FAM120C: variants seen among roughly 807,000 people sequenced by gnomAD.
FAM120C encodes the protein constitutive coactivator of PPAR-gamma-like protein 2.
Under a neutral mutation model 71.2 loss-of-function variants are expected in FAM120C, and 14 were observed. That is an observed-to-expected ratio of 0.20 (90% CI 0.13 to 0.31). The LOEUF (loss-of-function observed/expected upper bound fraction) is 0.31. Among genes scored for constraint, FAM120C ranks in the 10% least tolerant of loss-of-function variants. The probability of loss-of-function intolerance (pLI) is 1.00; values close to 1 mark genes in which losing one functional copy is unlikely to be tolerated. For synonymous variants in FAM120C, 354 were observed against 353.2 expected, an observed-to-expected ratio of 1.00 and a Z score of -0.03; for missense variants, 500 against 879.0, an observed-to-expected ratio of 0.57 and a Z score of 5.45.
intron 10 of FAM120C, among the ~76,000 whole-genome samples, chrX:54,102,736 TG>T (rs1557124297): frequency 1.4e-5 from 1 of 73,701 alleles, no homozygotes; most frequent in Non-Finnish European, 2.6e-5. Context: ...TTTTTTTTTT[TG>T]GAGACAGAGT....
chrX:54,143,240 T>A, intron 4 of FAM120C, among the ~76,000 whole-genome samples: 1 of 109,789 alleles, frequency 9.1e-6, no homozygotes, highest in East Asian at 2.9e-4. Flanking sequence ...CACCCTAACA[T>A]CACAATTAAA....
chrX:54,134,853 C>T lies in FAM120C; in HGVS notation c.1594G>A (p.Glu532Lys), dbSNP rs1557130114. The T allele has an allele frequency of 8.3e-7, 1 of 1,210,923 alleles. No individual in the cohort carries two copies. ...TACTCAGAGCTAGCTCCATTTGGCT[C>T]ATCACCATCAGAGGAAGAGGAGTGG... ...SSHSSSSDGD[E>K]PNGASSDHIT... The change falls in exon 7 of 16, where the codon GAG becomes AAG. Residue 532 changes from glutamate (E) to lysine (K), a missense_variant. By Grantham distance (56) the Glu-to-Lys change is moderately conservative. Around this residue, in one of 11 missense-constraint regions of FAM120C, gnomAD observed 85 missense variants for 84.9 expected, o/e 1.00. Transcript: ENST00000375180.
At chrX:54,131,703 G>T (rs2067067716) in intron 9 of FAM120C, among the ~76,000 whole-genome samples, 1 of 111,134 alleles carries the variant, frequency 9.0e-6, no homozygotes, top group South Asian at 3.7e-4. Context: ...CTCCCAAAGT[G>T]CTGGGATTAC....
intron 4 of FAM120C, among the ~76,000 whole-genome samples, chrX:54,143,114 T>C (rs1557131901): frequency 9.0e-6 from 1 of 111,075 alleles, no homozygotes; most frequent in East Asian, 2.8e-4. Flanking sequence ...AGACCAAAGG[T>C]AGATAAAACC....
intron 1 of FAM120C, among the ~76,000 whole-genome samples, chrX:54,172,217 G>A (rs1365669311): frequency 8.9e-6 from 1 of 112,380 alleles, no homozygotes; most frequent in East Asian, 2.8e-4. Flanking sequence ...ATCTCTGCGG[G>A]TGTGGTGAAT....
intron 10 of FAM120C, among the ~76,000 whole-genome samples, chrX:54,093,876 T>C (rs1363872000): frequency 8.9e-6 from 1 of 111,744 alleles, no homozygotes; most frequent in Non-Finnish European, 1.9e-5. Context: ...AGCTTTATTA[T>C]TGCTATTAGT....
rs1237409251 is a variant in FAM120C, at chrX:54,129,000, C to T, written c.2062+3692G>A. Among the ~76,000 whole-genome samples the T allele has an allele frequency of 5.6e-3, 618 of 110,454 alleles. 3 individuals are homozygous for T. Among genetic ancestry groups the T allele is most frequent in the African/African-American group, 0.019 (588 of 30,494 alleles). On this transcript the variant is annotated intron_variant, in intron 9 of 15. Transcript: ENST00000375180. ...TGAGCTGTTGGGTACACCTCCCAGA[C>T]GGGGTGGTGGCCGGGCAGAGGGGCT...
rs1054679165 is a variant in FAM120C, at chrX:54,176,123, G to T, written c.699+6377C>A. 5.4e-5 allele frequency among the ~76,000 whole-genome samples: 6 copies of T among 111,178 alleles called. No homozygotes were observed. The South Asian group carries it at 1.9e-3, about 35-fold the overall frequency. The stretch of plus-strand genomic sequence containing the variant: ...ACTGAGCCTGTTTTTTTGTTTTTTG[G>T]TTTTTGGCTATAAAAAGTAGAGATT... On this transcript the variant is annotated intron_variant, in intron 1 of 15. Transcript: ENST00000375180.
chrX:54,145,232 A>T (rs371108752), intron 4 of FAM120C, among the ~76,000 whole-genome samples: 1 of 112,231 alleles, frequency 8.9e-6, no homozygotes, highest in Non-Finnish European at 1.9e-5. Flanking sequence ...AACCTAGGCA[A>T]TACCATTCAG....
chrX:54,153,125 T>C (rs1299558055), intron 3 of FAM120C, among the ~76,000 whole-genome samples: 2 of 111,855 alleles, frequency 1.8e-5, no homozygotes, highest in African/African-American at 3.2e-5. Context: ...CAAATATGTA[T>C]GTGCTAATTG....
chrX:54,114,816 C>G (rs1411759425), intron 10 of FAM120C, among the ~76,000 whole-genome samples: 1 of 111,651 alleles, frequency 9.0e-6, no homozygotes, highest in South Asian at 3.7e-4. Flanking sequence ...GGCACAATCT[C>G]AGATCACTGC....
intron 4 of FAM120C, among the ~76,000 whole-genome samples, chrX:54,147,046 T>C (rs781813674): frequency 4.6e-5 from 5 of 108,874 alleles, no homozygotes; most frequent in Admixed American, 9.9e-5. Flanking sequence ...CCGGGCGTGG[T>C]GGCTCATTCC....
chrX:54,134,102 C>G (rs782411273), intron 7 of FAM120C, 56 bp from the exon 8 acceptor site: 733 of 1,131,166 alleles, frequency 6.5e-4, no homozygotes, highest in Non-Finnish European at 8.2e-4. Context: ...TAAAGATATT[C>G]CTACTTAAGA....
chrX:54,174,601 T>G (rs1557136403), intron 1 of FAM120C, among the ~76,000 whole-genome samples: 2 of 112,527 alleles, frequency 1.8e-5, no homozygotes, highest in African/African-American at 6.5e-5. Flanking sequence ...AAAAAAGAAG[T>G]GTATTCATAT....
At chrX:54,168,647 G>GTA (rs2067272309) in intron 1 of FAM120C, among the ~76,000 whole-genome samples, 1 of 112,181 alleles carries the variant, frequency 8.9e-6, no homozygotes, top group African/African-American at 3.2e-5. Context: ...CTCACACGGA[G>GTA]TAGGCAACCA....
chrX:54,129,124 ACGGGGCGGCCGGC>A (rs1416462161), intron 9 of FAM120C, among the ~76,000 whole-genome samples: 56 of 104,207 alleles, frequency 5.4e-4, no homozygotes, highest in Admixed American at 4.1e-3. Context: ...TCCCTCCCGG[ACGGGGCGGCCGGC>A]CGGGGCGGCT....
At position 54,139,358 on chromosome X, in the gene FAM120C, T is replaced by TTTATTTATTTAC. The variant is rs1345459299; in HGVS notation, c.1159-2769_1159-2768insGTAAATAAATAA. On this transcript the variant is annotated intron_variant, in intron 4 of 15. Coordinates refer to ENST00000375180, the MANE Select transcript of FAM120C (RefSeq NM_017848.6). The stretch of plus-strand genomic sequence containing the variant: ...ATTTATTTATTTATTTATTTATTTA[T>TTTATTTATTTAC]TTATTTGAGATGGAGTCTTGCTCTG... 2.8e-5 allele frequency among the ~76,000 whole-genome samples: 3 copies of TTTATTTATTTAC among 106,520 alleles called. No homozygotes were observed. The East Asian group carries it at 8.7e-4, about 31-fold the overall frequency. The allele number at this position is 106,520 out of a possible 115,157, so 92.5% of individuals were successfully genotyped here. A position where few individuals can be genotyped will look rare whatever the true frequency, so the allele number is the denominator to read the frequency against.
intron 10 of FAM120C, 77 bp from the exon 11 acceptor site, chrX:54,091,503 C>T (rs1479410233): frequency 1.5e-6 from 1 of 682,058 alleles, no homozygotes; most frequent in Non-Finnish European, 2.2e-6. Context: ...AGCTAAGAAC[C>T]TATCATGAGC....
At chrX:54,173,990 G>C (rs1312646434) in intron 1 of FAM120C, 1 of 452,725 alleles carries the variant, frequency 2.2e-6, no homozygotes, top group African/African-American at 2.4e-5. Context: ...CCGCTTCCAA[G>C]CTCACTCACG....
Sources: allele counts gnomAD v4.1 joint callset (sites outside exome capture counted in the v4.1 genomes callset), GRCh38; gene constraint gnomAD v4.1.1; regional missense constraint gnomAD v4.1.1; transcripts MANE v1.5; gene names NCBI Gene and HGNC (gene_info 2026-07-23, HGNC 2026-07-21).